The following NUBPL variants were observed in gnomAD, a reference collection of about 807,000 sequenced individuals.
The protein encoded by NUBPL is iron-sulfur cluster transfer protein NUBPL.
A neutral mutation model predicts 45.7 loss-of-function variants in NUBPL; 31 were observed. The observed-to-expected ratio is 0.68, with a 90% CI of 0.51 to 0.92. The LOEUF (loss-of-function observed/expected upper bound fraction) is 0.92, where lower values mean the gene tolerates loss of function less well. Among genes scored for constraint, NUBPL ranks in the 40% least tolerant of loss-of-function variants. NUBPL has a pLI of 0.00. For missense variants in NUBPL, 401 were observed against 398.7 expected (o/e 1.01, Z -0.05); for synonymous variants, 144 against 140.9 (o/e 1.02, Z -0.15).
chr14:31,856,207 G>A lies in NUBPL; in HGVS notation c.898-2911G>A, dbSNP rs150713267. 7.5e-3 allele frequency among the ~76,000 whole-genome samples: 1,141 copies of A among 152,134 alleles called. 16 individuals carry two copies. Among genetic ancestry groups the A allele is most frequent in the African/African-American group, 0.026 (1,088 of 41,512 alleles). On this transcript the variant is annotated intron_variant, in intron 10 of 10. Transcript: ENST00000281081. ...ACAAGTCATGTCTTACATGGATGGCGGCAGGCAAAAAGAGAGCTTGTGCAA... is the reference window on the plus strand; with the variant it reads ...ACAAGTCATGTCTTACATGGATGGCAGCAGGCAAAAAGAGAGCTTGTGCAA...
chr14:31,662,321 T>TTCTC (rs1173085337), intron 4 of NUBPL, among the ~76,000 whole-genome samples: 6 of 151,822 alleles, frequency 4.0e-5, no homozygotes, highest in African/African-American at 1.2e-4. Flanking sequence ...TTATTATACT[T>TTCTC]TAAGTTCTGA....
chr14:31,645,229 C>G (rs898131502), intron 4 of NUBPL, among the ~76,000 whole-genome samples: 8 of 152,068 alleles, frequency 5.3e-5, no homozygotes, highest in African/African-American at 1.9e-4. Context: ...CCACACCCGG[C>G]TAATTTTTTG....
chr14:31,713,230 T>C (rs1257844223), intron 6 of NUBPL, among the ~76,000 whole-genome samples: 1 of 152,200 alleles, frequency 6.6e-6, no homozygotes, highest in Non-Finnish European at 1.5e-5. Context: ...TCAACTTGAG[T>C]GCCCTTGAAC....
In NUBPL at chr14:31,614,929, G is replaced by C. The variant is rs140233467; in HGVS notation, c.382+15550G>C. On this transcript the variant is annotated intron_variant, in intron 4 of 10. Coordinates refer to ENST00000281081, the MANE Select transcript of NUBPL (RefSeq NM_025152.3). The stretch of plus-strand genomic sequence containing the variant: ...AGATTTTTTGGAAGAGATGATTCTT[G>C]GGCTAAACTTTGCAAAGTAGATAAG... Among the ~76,000 whole-genome samples the C allele has an allele frequency of 5.3e-4, 81 of 152,228 alleles. No homozygotes were observed. In the East Asian group the frequency reaches 0.015, roughly 29 times the overall value.
intron 6 of NUBPL, among the ~76,000 whole-genome samples, chr14:31,760,095 T>C (rs1366744738): frequency 1.4e-5 from 2 of 142,268 alleles, no homozygotes; most frequent in African/African-American, 2.6e-5. Flanking sequence ...CTGAACTCTA[T>C]TACTTCTATT....
intron 6 of NUBPL, among the ~76,000 whole-genome samples, chr14:31,784,062 A>T (rs964610577): frequency 2.6e-5 from 4 of 152,150 alleles, no homozygotes; most frequent in Non-Finnish European, 5.9e-5. Flanking sequence ...TCCAGTTTTA[A>T]AGAGTTTATT....
In NUBPL at chr14:31,764,733, A is replaced by G. The variant is rs556359910; in HGVS notation, c.514-23047A>G. Among the ~76,000 whole-genome samples, 5 of 152,342 alleles carry G rather than the reference A, an allele frequency of 3.3e-5. No individual in the cohort carries two copies. The East Asian group carries it at 9.6e-4, about 29-fold the overall frequency. ...TTAATGGTCTTTTAATGAGATGCAT[A>G]AAATTTGGTCCATTCTCTTATTTCT... On this transcript the variant is annotated intron_variant, in intron 6 of 10. Coordinates refer to ENST00000281081, the MANE Select transcript of NUBPL (RefSeq NM_025152.3).
chr14:31,808,602 C>G (rs1333521588), intron 7 of NUBPL, among the ~76,000 whole-genome samples: 1 of 152,114 alleles, frequency 6.6e-6, no homozygotes, highest in East Asian at 1.9e-4. Flanking sequence ...TAATTGAATA[C>G]CCTTCATTTC....
intron 7 of NUBPL, among the ~76,000 whole-genome samples, chr14:31,802,903 C>T (rs770102434): frequency 4.6e-5 from 7 of 152,172 alleles, no homozygotes; most frequent in Non-Finnish European, 8.8e-5. Context: ...ATATTTCAGT[C>T]ATTGTTTAAA....
intron 6 of NUBPL, among the ~76,000 whole-genome samples, chr14:31,692,021 G>T (rs1189295129): frequency 6.6e-6 from 1 of 152,162 alleles, no homozygotes; most frequent in Non-Finnish European, 1.5e-5. Flanking sequence ...AAAAAAGCAT[G>T]TCAGGATATA....
Position 31,841,917 on chromosome 14 carries a change from CTTTT to C in NUBPL, c.694-4526_694-4523del, listed in dbSNP as rs547795007. On this transcript the variant is annotated intron_variant, in intron 8 of 10. Coordinates refer to ENST00000281081, the MANE Select transcript of NUBPL (RefSeq NM_025152.3). Reference sequence around the variant, plus strand: ...CTTTCATGTATGGGTCGATTCTGGGCTTTTTTTTTTTTTTTTTTTTTTTTTTTTT... The same window carrying C: ...CTTTCATGTATGGGTCGATTCTGGGCTTTTTTTTTTTTTTTTTTTTTTTTT... Among the ~76,000 whole-genome samples, 204 of 42,998 alleles carry C rather than the reference CTTTT, an allele frequency of 4.7e-3. 16 individuals carry two copies. The highest frequency in any genetic ancestry group is 0.016 in the Admixed American group (51 of 3,110). The allele number at this position is 42,998 out of a possible 152,430, so 28.2% of individuals were successfully genotyped here. A position where few individuals can be genotyped will look rare whatever the true frequency, so the allele number is the denominator to read the frequency against.
chr14:31,698,095 C>T (rs35302654), intron 6 of NUBPL, among the ~76,000 whole-genome samples: 6,323 of 152,132 alleles, frequency 0.042, 198 homozygotes, highest in Non-Finnish European at 0.061. Context: ...CTTTAAGTTA[C>T]GTATTTTTCA....
At chr14:31,803,125 A>C (rs909450707) in intron 7 of NUBPL, among the ~76,000 whole-genome samples, 4 of 152,176 alleles carry the variant, frequency 2.6e-5, no homozygotes, top group Admixed American at 2.6e-4. Flanking sequence ...GAAGAAACCT[A>C]TTGGGGATTG....
intron 3 of NUBPL, among the ~76,000 whole-genome samples, chr14:31,583,207 G>T (rs964574305): frequency 6.6e-6 from 1 of 152,200 alleles, no homozygotes; most frequent in Non-Finnish European, 1.5e-5. Context: ...AATCAAAGGT[G>T]GCAGAGAGGG....
chr14:31,704,477 AACATGGAGAGACCCC>A (rs777802574), intron 6 of NUBPL, among the ~76,000 whole-genome samples: 1 of 152,138 alleles, frequency 6.6e-6, no homozygotes, highest in Admixed American at 6.5e-5. Flanking sequence ...CAGCCTGAGC[AACATGGAGAGACCCC>A]GTCTCTACTA....
chr14:31,726,577 T>C (rs1367316), intron 6 of NUBPL, among the ~76,000 whole-genome samples: 151,589 of 152,338 alleles, frequency 1, 75,428 homozygotes, highest in Middle Eastern at 1. Context: ...ATATAAGCTA[T>C]ATGAAAGCAG....
chr14:31,811,626 G>A (rs1275738902), intron 7 of NUBPL, among the ~76,000 whole-genome samples: 1 of 152,150 alleles, frequency 6.6e-6, no homozygotes, highest in Admixed American at 6.5e-5. Flanking sequence ...CTGTCAGCTT[G>A]TCAAAGTCAT....
intron 6 of NUBPL, among the ~76,000 whole-genome samples, chr14:31,693,824 C>T (rs1236204790): frequency 6.6e-5 from 9 of 136,282 alleles, no homozygotes; most frequent in Admixed American, 5.7e-4. Flanking sequence ...AAAAAAAAAA[C>T]CTTTAAACAT....
At chr14:31,674,423 A>G (rs935985322) in intron 6 of NUBPL, among the ~76,000 whole-genome samples, 1 of 152,064 alleles carries the variant, frequency 6.6e-6, no homozygotes, top group African/African-American at 2.4e-5. Flanking sequence ...CCTTTCTACC[A>G]CTTTTGCTGC....
Sources: gnomAD v4.1 joint callset for allele counts (sites outside exome capture counted in the v4.1 genomes callset) on GRCh38, gnomAD v4.1.1 for gene constraint, MANE v1.5 for transcripts, NCBI Gene and HGNC (gene_info 2026-07-23, HGNC 2026-07-21) for gene names.